TMIGD3: variants seen among roughly 807,000 people sequenced by gnomAD.
TMIGD3 encodes transmembrane and immunoglobulin domain containing 3.
Under a neutral mutation model 28.1 loss-of-function variants are expected in TMIGD3, and 21 were observed. That is an observed-to-expected ratio of 0.75 (90% CI 0.53 to 1.08). TMIGD3 has a LOEUF of 1.08. TMIGD3 is among the 50% of genes least tolerant of loss of function. The pLI is 0.00. For missense variants in TMIGD3, 416 were observed against 435.6 expected (o/e 0.96, Z 0.40); for synonymous variants, 151 against 162.1 (o/e 0.93, Z 0.52).
intron 1 of TMIGD3, among the ~76,000 whole-genome samples, chr1:111,548,306 C>T (rs1657115079): frequency 6.6e-6 from 1 of 152,244 alleles, no homozygotes; most frequent in South Asian, 2.1e-4. Flanking sequence ...CAAGCGTGAG[C>T]CACTGCACCT....
At position 111,553,559 on chromosome 1, in the gene TMIGD3, G is replaced by A. The variant is rs537079862; in HGVS notation, c.107+10287C>T. Among the ~76,000 whole-genome samples, 43 of 152,256 alleles carry A rather than the reference G, an allele frequency of 2.8e-4. No homozygotes were observed. In the South Asian group the frequency reaches 8.9e-3, roughly 32 times the overall value. Reference sequence around the variant, plus strand: ...TTCTAGCCGGTATGCTGTTACAAAGGTATCTTCCTTAAACCTAATTTCTAC... The same window carrying A: ...TTCTAGCCGGTATGCTGTTACAAAGATATCTTCCTTAAACCTAATTTCTAC... On this transcript the variant is annotated intron_variant, in intron 1 of 5. Transcript: ENST00000369717.
chr1:111,534,072 T>C (rs1656556255), intron 1 of TMIGD3, among the ~76,000 whole-genome samples: 1 of 152,198 alleles, frequency 6.6e-6, no homozygotes. Context: ...AATGCCTCTA[T>C]ATAATAAGAA....
Position 111,524,640 on chromosome 1 carries a change from GAC to G in TMIGD3, c.108-33880_108-33879del, listed in dbSNP as rs533151569. On this transcript the variant is annotated intron_variant, in intron 1 of 5. Transcript: ENST00000369717. Reference sequence around the variant, plus strand: ...CCCCCTACCCCCATTTTTTTCTGGAGACACAATTTCACTCTGTCGCCCAGGCT... The same window carrying G: ...CCCCCTACCCCCATTTTTTTCTGGAGACAATTTCACTCTGTCGCCCAGGCT... Among the ~76,000 whole-genome samples, 41 of 151,994 alleles carry G rather than the reference GAC, an allele frequency of 2.7e-4. No individual in the cohort carries two copies. In the East Asian group the frequency reaches 7.9e-3, roughly 29 times the overall value.
chr1:111,518,679 A>G (rs1305222458), intron 1 of TMIGD3, among the ~76,000 whole-genome samples: 3 of 152,240 alleles, frequency 2.0e-5, no homozygotes, highest in Non-Finnish European at 4.4e-5. Context: ...AGGTCCAAGT[A>G]GGATCATTAC....
intron 1 of TMIGD3, among the ~76,000 whole-genome samples, chr1:111,531,118 A>C (rs1282345573): frequency 6.6e-6 from 1 of 152,146 alleles, no homozygotes; most frequent in Non-Finnish European, 1.5e-5. Flanking sequence ...TCTCTACAAA[A>C]AATGCAAAAA....
intron 1 of TMIGD3, among the ~76,000 whole-genome samples, chr1:111,551,756 G>A (rs1657267506): frequency 3.4e-5 from 1 of 29,758 alleles, no homozygotes; most frequent in Non-Finnish European, 4.4e-4. Context: ...GTTTTGTTTT[G>A]TTTTGTTTTG....
intron 1 of TMIGD3, among the ~76,000 whole-genome samples, chr1:111,529,320 C>T (rs1034223306): frequency 1.3e-5 from 2 of 152,018 alleles, no homozygotes; most frequent in Admixed American, 6.6e-5. Flanking sequence ...TTGGAACTTC[C>T]TTACCTCAAG....
intron 1 of TMIGD3, among the ~76,000 whole-genome samples, chr1:111,541,712 A>C (rs988858835): frequency 6.6e-6 from 1 of 151,824 alleles, no homozygotes; most frequent in Admixed American, 6.6e-5. Context: ...GAGAGAGAGA[A>C]AGTGCAGGAG....
chr1:111,558,111 A>C (rs531569366), intron 1 of TMIGD3, among the ~76,000 whole-genome samples: 1 of 152,312 alleles, frequency 6.6e-6, no homozygotes, highest in South Asian at 2.1e-4. Flanking sequence ...ATAGAAATTA[A>C]TTTAAATATA....
chr1:111,552,314 G>A (rs1657296774), intron 1 of TMIGD3, among the ~76,000 whole-genome samples: 1 of 152,202 alleles, frequency 6.6e-6, no homozygotes, highest in African/African-American at 2.4e-5. Flanking sequence ...ATCTGCCACT[G>A]AGCTGGGGAG....
intron 1 of TMIGD3, among the ~76,000 whole-genome samples, chr1:111,519,592 A>G (rs1343869174): frequency 6.6e-6 from 1 of 152,208 alleles, no homozygotes; most frequent in Non-Finnish European, 1.5e-5. Context: ...CAAGTTGCAT[A>G]CAGGAAGACT....
chr1:111,501,878 G>T lies in TMIGD3; in HGVS notation c.350+1127C>A, dbSNP rs1360296917. ...GAAACACGAGACCAATGCAATTTAG[G>T]TCACCCGGGGAAGTAGATTTCTCCA... On this transcript the variant is annotated intron_variant, in intron 1 of 5. Transcript: ENST00000369716. Among the ~76,000 whole-genome samples, 11 of 151,472 alleles carry T rather than the reference G, an allele frequency of 7.3e-5. No individual in the cohort carries two copies. In the Admixed American group the frequency reaches 7.3e-4, roughly 10 times the overall value.
chr1:111,532,889 C>G (rs1656501837), intron 1 of TMIGD3, among the ~76,000 whole-genome samples: 1 of 152,176 alleles, frequency 6.6e-6, no homozygotes, highest in African/African-American at 2.4e-5. Context: ...CTTCTGCAAT[C>G]TATTGGAGTG....
chr1:111,538,676 T>G (rs528304799), intron 1 of TMIGD3, among the ~76,000 whole-genome samples: 1 of 152,330 alleles, frequency 6.6e-6, no homozygotes, highest in South Asian at 2.1e-4. Context: ...TGGAGAAACA[T>G]TCTCAAGAAT....
intron 3 of TMIGD3, 110 bp from the exon 4 acceptor site, chr1:111,486,762 G>C (rs531046122): frequency 1.1e-6 from 1 of 912,498 alleles, no homozygotes; most frequent in Non-Finnish European, 1.8e-6. Flanking sequence ...TGAGTCCCCT[G>C]GTTGACTCCA....
chr1:111,504,757 G>T, upstream of TMIGD3: 2 of 571,674 alleles, frequency 3.5e-6, no homozygotes, highest in Non-Finnish European at 4.4e-6. Flanking sequence ...TCTGCCTGGG[G>T]CTCATCAGGG....
rs193038407 is a variant in TMIGD3 at position 111,544,100 on chromosome 1, T to A, written c.107+19746A>T. 2.0e-5 allele frequency among the ~76,000 whole-genome samples: 3 copies of A among 152,322 alleles called. No individual in the cohort carries two copies. The East Asian group carries it at 5.8e-4, about 29-fold the overall frequency. On this transcript the variant is annotated intron_variant, in intron 1 of 5. Coordinates refer to the TMIGD3 transcript ENST00000369717. ...TTAAAGTCAAATTTGCCATTTGTCC[T>A]AAAATAGCAGGCTCCCTTTTCAAAC...
At chr1:111,529,094 T>C (rs1656364422) in intron 1 of TMIGD3, among the ~76,000 whole-genome samples, 1 of 151,546 alleles carries the variant, frequency 6.6e-6, no homozygotes, top group South Asian at 2.1e-4. Flanking sequence ...AATTATTTTA[T>C]TTATTTTTTA....
rs113198930 is a variant in TMIGD3, at chr1:111,491,699, T to C, written c.351-937A>G. Among the ~76,000 whole-genome samples, 945 of 152,192 alleles carry C rather than the reference T, an allele frequency of 6.2e-3. 12 individuals carry two copies. The highest frequency in any genetic ancestry group is 0.019 in the African/African-American group (809 of 41,518). ...ACCTCTATGAGTTTCACAAACAAAT[T>C]ACATGAATAAAAAAGGAAGCAAGGA... On this transcript the variant is annotated intron_variant, in intron 1 of 5. Coordinates refer to ENST00000369716, the MANE Select transcript of TMIGD3 (RefSeq NM_020683.7).
Sources: allele counts gnomAD v4.1 joint callset (sites outside exome capture counted in the v4.1 genomes callset), GRCh38; gene constraint gnomAD v4.1.1; transcripts MANE v1.5; gene names NCBI Gene and HGNC (gene_info 2026-07-23, HGNC 2026-07-21).